The following REDIC1 variants were observed in gnomAD, a reference collection of about 807,000 sequenced individuals.
REDIC1 encodes the protein HEI10 Interacting Protein 1.
the REDIC1 span, among the ~76,000 whole-genome samples, chr12:39,730,179 G>A: frequency 1.3e-4 from 20 of 152,304 alleles, no homozygotes; most frequent in Admixed American, 1.1e-3. Context: ...ATATTGTTAT[G>A]TGTGAATTTG....
chr12:39,704,369 G>C, the REDIC1 span, among the ~76,000 whole-genome samples: 8 of 152,178 alleles, frequency 5.3e-5, no homozygotes, highest in East Asian at 1.5e-3. Flanking sequence ...AAACCACAAT[G>C]AGATACCATC....
the REDIC1 span, chr12:39,647,866 A>G: frequency 1.9e-6 from 3 of 1,608,556 alleles, no homozygotes; most frequent in Non-Finnish European, 2.6e-6. Flanking sequence ...TCACTCCATC[A>G]TCTTTTTCAG....
the REDIC1 span, among the ~76,000 whole-genome samples, chr12:39,701,249 A>C: frequency 6.6e-6 from 1 of 152,302 alleles, no homozygotes; most frequent in East Asian, 1.9e-4. Context: ...AAGATCTACC[A>C]AGCAAATGGA....
the REDIC1 span, among the ~76,000 whole-genome samples, chr12:39,832,852 C>T: frequency 6.6e-6 from 1 of 152,078 alleles, no homozygotes; most frequent in African/African-American, 2.4e-5. Context: ...CAAACATTTG[C>T]CTTATCTGTG....
chr12:39,788,324 G>A, the REDIC1 span, among the ~76,000 whole-genome samples: 20 of 152,024 alleles, frequency 1.3e-4, no homozygotes, highest in Admixed American at 1.2e-3. Context: ...TGTGCTTTGG[G>A]GCCATTATTA....
the REDIC1 span, among the ~76,000 whole-genome samples, chr12:39,874,700 G>A: frequency 6.6e-6 from 1 of 151,560 alleles, no homozygotes; most frequent in African/African-American, 2.4e-5. Context: ...GAGGGGACTT[G>A]AATGTAATGC....
At chr12:39,882,375 A>G in the REDIC1 span, among the ~76,000 whole-genome samples, 1 of 152,064 alleles carries the variant, frequency 6.6e-6, no homozygotes, top group Non-Finnish European at 1.5e-5. Flanking sequence ...TGCTACCATC[A>G]CGTTCATCAT....
the REDIC1 span, among the ~76,000 whole-genome samples, chr12:39,640,615 C>G: frequency 3.3e-5 from 5 of 151,930 alleles, no homozygotes; most frequent in Admixed American, 3.3e-4. Flanking sequence ...AGAATGTTGA[C>G]AGAGAATATT....
the REDIC1 span, among the ~76,000 whole-genome samples, chr12:39,746,463 T>G: frequency 2.0e-5 from 3 of 152,178 alleles, no homozygotes; most frequent in African/African-American, 7.2e-5. Flanking sequence ...CTCAGCTCAC[T>G]GAGGCCTGCC....
the REDIC1 span, among the ~76,000 whole-genome samples, chr12:39,815,373 T>G: frequency 6.6e-6 from 1 of 152,242 alleles, no homozygotes; most frequent in Admixed American, 6.5e-5. Context: ...TCAAACAGAC[T>G]GGCCTTCTCC....
chr12:39,725,237 G>C, the REDIC1 span, among the ~76,000 whole-genome samples: 14 of 152,062 alleles, frequency 9.2e-5, no homozygotes, highest in Non-Finnish European at 2.1e-4. Flanking sequence ...CAAAATAATT[G>C]TCATTCCAAA....
the REDIC1 span, among the ~76,000 whole-genome samples, chr12:39,711,829 GTATA>G: frequency 1.6e-3 from 130 of 80,628 alleles, 1 homozygote; most frequent in African/African-American, 6.2e-3. Context: ...ACATGCATGT[GTATA>G]TGTGTGTATA....
chr12:39,713,604 A>G, the REDIC1 span, among the ~76,000 whole-genome samples: 1 of 149,374 alleles, frequency 6.7e-6, no homozygotes, highest in Non-Finnish European at 1.5e-5. Flanking sequence ...ATACGTATAT[A>G]TACATATGTA....
chr12:39,808,409 G>A, the REDIC1 span, among the ~76,000 whole-genome samples: 1 of 152,066 alleles, frequency 6.6e-6, no homozygotes, highest in South Asian at 2.1e-4. Flanking sequence ...TGCTATAAAC[G>A]ACTGTGTAGA....
the REDIC1 span, among the ~76,000 whole-genome samples, chr12:39,718,809 T>A: frequency 6.6e-6 from 1 of 152,236 alleles, no homozygotes; most frequent in Middle Eastern, 3.4e-3. Flanking sequence ...GCTTCCCCTA[T>A]TACCTTGATA....
chr12:39,634,499 TGATCTTTGACAAAC>T, the REDIC1 span, among the ~76,000 whole-genome samples: 1 of 152,174 alleles, frequency 6.6e-6, no homozygotes, highest in Non-Finnish European at 1.5e-5. Context: ...TACAACCATC[TGATCTTTGACAAAC>T]CTGACAAAAA....
the REDIC1 span, among the ~76,000 whole-genome samples, chr12:39,777,881 A>G: frequency 6.6e-6 from 1 of 152,220 alleles, no homozygotes; most frequent in African/African-American, 2.4e-5. Context: ...CTTCTGGTAC[A>G]CAGAGGCAAG....
At chr12:39,690,066 G>A in the REDIC1 span, among the ~76,000 whole-genome samples, 4 of 152,120 alleles carry the variant, frequency 2.6e-5, no homozygotes, top group South Asian at 2.1e-4. Flanking sequence ...CTAAAATTAC[G>A]TTCTACCAGA....
At chr12:39,767,080 C>T in the REDIC1 span, among the ~76,000 whole-genome samples, 1 of 152,166 alleles carries the variant, frequency 6.6e-6, no homozygotes, top group South Asian at 2.1e-4. Context: ...CTTTACTTGG[C>T]CCAGATCCAT....
Sources: gnomAD v4.1 joint callset for allele counts (sites outside exome capture counted in the v4.1 genomes callset) on GRCh38, gnomAD v4.1.1 for gene constraint, MANE v1.5 for transcripts, NCBI Gene and HGNC (gene_info 2026-07-23, HGNC 2026-07-21) for gene names.